Variants in BNC2 observed in about 807,000 individuals in gnomAD.
BNC2 encodes zinc finger protein basonuclin-2.
A neutral mutation model predicts 76.3 loss-of-function variants in BNC2; 20 were observed. The ratio of observed to expected loss-of-function variants is 0.26; its 90% CI spans 0.18 to 0.38. The LOEUF is 0.38. Ranked by LOEUF, BNC2 falls within the 10% of genes least tolerant of loss-of-function variation. The pLI is 1.00. For missense variants in BNC2, 1,382 were observed against 1,399.8 expected, an observed-to-expected ratio of 0.99 and a Z score of 0.20; for synonymous variants, 582 against 514.8, an observed-to-expected ratio of 1.13 and a Z score of -1.77.
At position 16,711,148 on chromosome 9, in the gene BNC2, A is replaced by G. The variant is rs1823829545; in HGVS notation, c.330+16649T>C. On this transcript the variant is annotated intron_variant, in intron 3 of 6. Coordinates refer to ENST00000380672, the MANE Select transcript of BNC2 (RefSeq NM_017637.6). ...CTATACCAGTGACAGCTGTGTGGCA[A>G]GGGGAAGAAAGAAAGAGAAACGCAA... 2.0e-5 allele frequency among the ~76,000 whole-genome samples: 3 copies of G among 152,126 alleles called. No individual in the cohort carries two copies. The South Asian group carries it at 6.2e-4, about 32-fold the overall frequency.
chr9:16,777,849 G>A (rs1336176011), intron 1 of BNC2, among the ~76,000 whole-genome samples: 1 of 152,050 alleles, frequency 6.6e-6, no homozygotes, highest in Non-Finnish European at 1.5e-5. Context: ...CAATAAGTAT[G>A]GTACTCCCAT....
At position 16,568,829 on chromosome 9, in the gene BNC2, T is replaced by C. The variant is rs193100671; in HGVS notation, c.433+14154A>G. ...ATTAAGAGAAAAATTTCTTATGACGTGAAGTAATATTTAGATCTGCACATT... is the reference window on the plus strand; with the variant it reads ...ATTAAGAGAAAAATTTCTTATGACGCGAAGTAATATTTAGATCTGCACATT... On this transcript the variant is annotated intron_variant, in intron 4 of 6. Transcript: ENST00000380672. Among the ~76,000 whole-genome samples the C allele has an allele frequency of 3.7e-3, 556 of 152,218 alleles. 3 individuals are homozygous for C. The highest frequency in any genetic ancestry group is 0.012 in the African/African-American group (519 of 41,532).
chr9:16,648,519 G>C (rs1311681863), intron 3 of BNC2, among the ~76,000 whole-genome samples: 1 of 152,230 alleles, frequency 6.6e-6, no homozygotes, highest in African/African-American at 2.4e-5. Flanking sequence ...CTTCCTCGAA[G>C]ACTAAGGACC....
chr9:16,523,480 A>AC (rs199565321), intron 5 of BNC2, among the ~76,000 whole-genome samples: 12,013 of 141,646 alleles, frequency 0.085, 1,639 homozygotes, highest in African/African-American at 0.3. Context: ...CAAAACAAAA[A>AC]AAAAAAACAA....
intron 5 of BNC2, among the ~76,000 whole-genome samples, chr9:16,471,982 T>C (rs1821835483): frequency 6.6e-6 from 1 of 152,234 alleles, no homozygotes; most frequent in Non-Finnish European, 1.5e-5. Flanking sequence ...TTTTTTCTCT[T>C]GCCTCTGCCA....
rs756280611 is a variant in BNC2, at chr9:16,788,508, A to G, written c.4-50023T>C. Among the ~76,000 whole-genome samples, 1,288 of 148,564 alleles carry G rather than the reference A, an allele frequency of 8.7e-3. 5 individuals are homozygous for G. The highest frequency in any genetic ancestry group is 0.014 in the Middle Eastern group (4 of 288). ...GCGGAGCTTGCAGTGAGCCGAGATG[A>G]CGCCACTGCACTCCACCCTGGGCGA... On this transcript the variant is annotated intron_variant, in intron 1 of 6. Transcript: ENST00000380672.
intron 6 of BNC2, among the ~76,000 whole-genome samples, chr9:16,426,830 T>C (rs1820811853): frequency 6.6e-6 from 1 of 152,198 alleles, no homozygotes; most frequent in African/African-American, 2.4e-5. Context: ...ATTAAAGAAG[T>C]ACTTATTCCC....
At chr9:16,805,208 T>G (rs1817877263) in intron 1 of BNC2, among the ~76,000 whole-genome samples, 1 of 152,208 alleles carries the variant, frequency 6.6e-6, no homozygotes, top group Non-Finnish European at 1.5e-5. Context: ...CTTTAGAATC[T>G]GGAAGACTTT....
rs1013466607 is a variant in BNC2 at position 16,414,435 on chromosome 9, G to C, written c.*4554C>G. The C allele has an allele frequency of 3.3e-5, 5 of 152,142 alleles. No homozygotes were observed. The highest frequency in any genetic ancestry group is 5.9e-5 in the Non-Finnish European group (4 of 68,040). 9.4% of individuals were successfully genotyped at this position (152,142 alleles called of 1,614,324 possible). ...CATCCCCAAAAAATAAACAATGAGA[G>C]GGAAAAGCAAAACCACCTAATTTAA... On this transcript the variant is annotated 3_prime_UTR_variant, in exon 7 of 7. Transcript: ENST00000380672.
chr9:16,578,280 A>AT (rs901663989), intron 4 of BNC2, among the ~76,000 whole-genome samples: 2 of 152,148 alleles, frequency 1.3e-5, no homozygotes, highest in African/African-American at 2.4e-5. Flanking sequence ...TTTCTTTCTT[A>AT]TTTTTACTAT....
At chr9:16,834,888 T>C (rs1333748239) in intron 1 of BNC2, among the ~76,000 whole-genome samples, 1 of 152,170 alleles carries the variant, frequency 6.6e-6, no homozygotes, top group African/African-American at 2.4e-5. Context: ...TGTTAATAAT[T>C]CTACAAAGGG....
At chr9:16,629,212 G>A (rs1821089477) in intron 3 of BNC2, among the ~76,000 whole-genome samples, 1 of 152,126 alleles carries the variant, frequency 6.6e-6, no homozygotes, top group East Asian at 1.9e-4. Flanking sequence ...AAACTATAAT[G>A]TTGTAAAGAT....
At chr9:16,638,546 C>T (rs1018086109) in intron 3 of BNC2, among the ~76,000 whole-genome samples, 5 of 152,156 alleles carry the variant, frequency 3.3e-5, no homozygotes, top group Non-Finnish European at 1.5e-5. Context: ...CATGATTCTT[C>T]AGGCTCAGGT....
chr9:16,722,572 T>G (rs1283084379), intron 3 of BNC2, among the ~76,000 whole-genome samples: 1 of 152,186 alleles, frequency 6.6e-6, no homozygotes, highest in Non-Finnish European at 1.5e-5. Context: ...CTTTACAAAT[T>G]ACACAAACAT....
chr9:16,633,756 G>C (rs970922291), intron 3 of BNC2, among the ~76,000 whole-genome samples: 13 of 151,490 alleles, frequency 8.6e-5, no homozygotes, highest in Non-Finnish European at 1.5e-4. Context: ...TGCAAACTAA[G>C]GTATGTTTAT....
intron 5 of BNC2, among the ~76,000 whole-genome samples, chr9:16,549,005 T>C (rs1208958857): frequency 6.6e-6 from 1 of 152,222 alleles, no homozygotes; most frequent in East Asian, 1.9e-4. Flanking sequence ...AAGTACAGGA[T>C]CCTTGACCGA....
rs1038976448 is a variant in BNC2, at chr9:16,685,475, C to A, written c.330+42322G>T. The A allele has an allele frequency of 3.9e-5, 39 of 988,340 alleles. 1 individual carries two copies. The highest frequency in any genetic ancestry group is 5.4e-5 in the Non-Finnish European group (38 of 700,862). The allele number at this position is 988,340 out of a possible 1,614,324, so 61.2% of individuals were successfully genotyped here. A position where few individuals can be genotyped will look rare whatever the true frequency, so the allele number is the denominator to read the frequency against. ...TCTTTTCCTGATGACGCTGATATAC[C>A]CAAATGGCTTTCCAGGACCACTGTT... On this transcript the variant is annotated intron_variant, in intron 3 of 6. Coordinates refer to ENST00000380672, the MANE Select transcript of BNC2 (RefSeq NM_017637.6).
At chr9:16,442,957 A>T (rs915200531) in intron 5 of BNC2, among the ~76,000 whole-genome samples, 1 of 151,762 alleles carries the variant, frequency 6.6e-6, no homozygotes, top group African/African-American at 2.4e-5. Flanking sequence ...AATACAAAAA[A>T]ATTAGCCAGG....
chr9:16,645,549 T>C (rs1821600310), intron 3 of BNC2, among the ~76,000 whole-genome samples: 1 of 152,156 alleles, frequency 6.6e-6, no homozygotes, highest in Non-Finnish European at 1.5e-5. Flanking sequence ...CAGAAAGTAT[T>C]TGTGGGACTT....
Sources: gnomAD v4.1 joint callset for allele counts (sites outside exome capture counted in the v4.1 genomes callset) on GRCh38, gnomAD v4.1.1 for gene constraint, MANE v1.5 for transcripts, NCBI Gene and HGNC (gene_info 2026-07-23, HGNC 2026-07-21) for gene names.